The following OR6J1 variants were observed in gnomAD, a reference collection of about 807,000 sequenced individuals.
OR6J1 encodes the protein olfactory receptor 6J1.
For synonymous variants in OR6J1, 109 were observed against 70.0 expected, an observed-to-expected ratio of 1.56 and a Z score of -2.78; for missense variants, 304 against 166.8, an observed-to-expected ratio of 1.82 and a Z score of -4.53.
At chr14:22,638,415 G>C (rs1408690802) in intron 1 of OR6J1, among the ~76,000 whole-genome samples, 1 of 74,620 alleles carries the variant, frequency 1.3e-5, no homozygotes, top group East Asian at 2.6e-4. Flanking sequence ...GATTAAGGGC[G>C]GTGCAAGATG....
At chr14:22,638,964 T>G (rs2139295870) in intron 1 of OR6J1, among the ~76,000 whole-genome samples, 1 of 115,252 alleles carries the variant, frequency 8.7e-6, no homozygotes, top group Admixed American at 7.9e-5. Context: ...GGGGAGCGCC[T>G]CTGCCCCGCC....
At chr14:22,643,758 CACACACAGAG>C (rs1288677227) in intron 1 of OR6J1, among the ~76,000 whole-genome samples, 16 of 60,644 alleles carry the variant, frequency 2.6e-4, no homozygotes, top group Non-Finnish European at 3.7e-4. Context: ...CACACACACA[CACACACAGAG>C]AGAGAGAGAG....
In OR6J1 at chr14:22,633,786, A is replaced by C; in HGVS notation, c.1026T>G (p.Ser342=). Reference sequence around the variant, plus strand: ...TCTCTTTCTAACACTGGAGCTTTACAGAATAGACACATGGTGGAGAAGAGC... The same window carrying C: ...TCTCTTTCTAACACTGGAGCTTTACCGAATAGACACATGGTGGAGAAGAGC... ...RACSSPPCVY[S]VKLQC Residue 342 remains serine (S), a synonymous_variant, in exon 2 of 2, where the codon TCT becomes TCG. Coordinates refer to ENST00000540461, the MANE Select transcript of OR6J1 (RefSeq NM_001348233.2). 1.5e-6 allele frequency: 1 copy of C among 689,566 alleles called. No homozygotes were observed. Among genetic ancestry groups the C allele is most frequent in the South Asian group, 1.5e-5 (1 of 64,892 alleles). 42.7% of individuals were successfully genotyped at this position (689,566 alleles called of 1,614,324 possible).
chr14:22,643,762 CACAGAGAGAGAGAG>C (rs1187084564), intron 1 of OR6J1, among the ~76,000 whole-genome samples: 1 of 53,066 alleles, frequency 1.9e-5, no homozygotes, highest in African/African-American at 7.3e-5. Flanking sequence ...CACACACACA[CACAGAGAGAGAGAG>C]AGAGAGAGAG....
At chr14:22,637,585 G>C (rs2037600985) in intron 1 of OR6J1, among the ~76,000 whole-genome samples, 1 of 51,784 alleles carries the variant, frequency 1.9e-5, no homozygotes, top group Non-Finnish European at 3.8e-5. Context: ...GGAGGGAGGT[G>C]GGGGGGTCAG....
At position 22,633,534 on chromosome 14, in the gene OR6J1, C is replaced by A. The variant is rs1681595; in HGVS notation, c.*234G>T. 0.2 allele frequency: 95,627 copies of A among 477,438 alleles called. 10,526 individuals are homozygous for A. Among genetic ancestry groups the A allele is most frequent in the African/African-American group, 0.32 (16,341 of 51,296 alleles). The allele number at this position is 477,438 out of a possible 1,614,324, so 29.6% of individuals were successfully genotyped here. The stretch of plus-strand genomic sequence containing the variant: ...GAGGAAATAGGCTGCATGGCCCTTC[C>A]ATTCTTACAATATTCAGTGTGGATG... On this transcript the variant is annotated 3_prime_UTR_variant, in exon 2 of 2. Coordinates refer to ENST00000540461, the MANE Select transcript of OR6J1 (RefSeq NM_001348233.2).
In OR6J1 at chr14:22,634,135, C is replaced by A. The variant is rs3829405; in HGVS notation, c.677G>T (p.Arg226Leu). 1 of 703,008 alleles carries A rather than the reference C, an allele frequency of 1.4e-6. No homozygotes were observed. The highest frequency in any genetic ancestry group is 2.6e-6 in the Non-Finnish European group (1 of 384,912). 43.5% of individuals were successfully genotyped at this position (703,008 alleles called of 1,614,324 possible). A position where few individuals can be genotyped will look rare whatever the true frequency, so the allele number is the denominator to read the frequency against. Residue 226 changes from arginine to leucine, a missense_variant, in exon 2 of 2, where the codon CGC (arginine) becomes CTC (leucine). By Grantham distance (102) the Arg-to-Leu change is moderately radical. Coordinates refer to ENST00000540461, the MANE Select transcript of OR6J1 (RefSeq NM_001348233.2). Reference sequence around the variant, plus strand: ...CTTCCTTCCACTTGCAGAAGGAATGCGCACTATGGTCAAGATGATGTACGT... The same window carrying A: ...CTTCCTTCCACTTGCAGAAGGAATGAGCACTATGGTCAAGATGATGTACGT... The part of the protein sequence containing the change: ...SYTYIILTIV[R>L]IPSASGRKKA...
At chr14:22,636,759 C>T (rs1465243079) in intron 1 of OR6J1, among the ~76,000 whole-genome samples, 1 of 117,174 alleles carries the variant, frequency 8.5e-6, no homozygotes, top group South Asian at 2.4e-4. Context: ...GATCTCGGCT[C>T]GCTACAGCCT....
chr14:22,639,381 C>T (rs1250698439), intron 1 of OR6J1, among the ~76,000 whole-genome samples: 5 of 120,674 alleles, frequency 4.1e-5, no homozygotes, highest in South Asian at 2.5e-4. Context: ...GCCCCCCGCC[C>T]GGCCAGCCGC....
Position 22,634,815 on chromosome 14 carries a change from C to T in OR6J1, c.-4G>A, listed in dbSNP as rs1249301850. ...CCGCTGCAGTCCAGTTACCCATGGG[C>T]CTGGTGGGCCTGGCTCAATTCTCCT... On this transcript the variant is annotated 5_prime_UTR_variant, in exon 2 of 2. Coordinates refer to ENST00000540461, the MANE Select transcript of OR6J1 (RefSeq NM_001348233.2). 3 of 671,346 alleles carry T rather than the reference C, an allele frequency of 4.5e-6. No homozygotes were observed. The highest frequency in any genetic ancestry group is 5.4e-6 in the Non-Finnish European group (2 of 369,940). The allele number at this position is 671,346 out of a possible 1,614,324, so 41.6% of individuals were successfully genotyped here.
chr14:22,642,688 TC>T (rs2037661272), intron 1 of OR6J1, among the ~76,000 whole-genome samples: 1 of 152,172 alleles, frequency 6.6e-6, no homozygotes, highest in Non-Finnish European at 1.5e-5. Flanking sequence ...AAACTATTTT[TC>T]TACTTTCTGA....
intron 1 of OR6J1, among the ~76,000 whole-genome samples, chr14:22,639,067 T>G: frequency 1.1e-5 from 1 of 90,556 alleles, no homozygotes. Context: ...GTCTGAGAAG[T>G]GAGGAGACCC....
chr14:22,642,991 G>T (rs989026020), intron 1 of OR6J1, among the ~76,000 whole-genome samples: 1 of 150,384 alleles, frequency 6.6e-6, no homozygotes, highest in Non-Finnish European at 1.5e-5. Flanking sequence ...TTTTGAGATG[G>T]AGTTTTACTC....
In OR6J1 at chr14:22,641,217, GAAAGAA is replaced by G. The variant is rs1299768131; in HGVS notation, c.-28+2875_-28+2880del. ...CAGAGAGGGAGAGAAAGATAAGAAAGAAAGAAAGAAAGAAAGAAAGAAAGAAAGAAA... is the reference window on the plus strand; with the variant it reads ...CAGAGAGGGAGAGAAAGATAAGAAAGAGAAAGAAAGAAAGAAAGAAAGAAA... On this transcript the variant is annotated intron_variant, in intron 1 of 1. Coordinates refer to ENST00000540461, the MANE Select transcript of OR6J1 (RefSeq NM_001348233.2). 1.5e-3 allele frequency among the ~76,000 whole-genome samples: 27 copies of G among 18,568 alleles called. 2 individuals carry two copies. Among genetic ancestry groups the G allele is most frequent in the African/African-American group, 5.0e-3 (25 of 5,000 alleles). 12.2% of individuals were successfully genotyped at this position (18,568 alleles called of 152,430 possible).
In OR6J1 at chr14:22,643,714, A is replaced by AAC. The variant is rs1183889876; in HGVS notation, c.-28+382_-28+383dup. On this transcript the variant is annotated intron_variant, in intron 1 of 1. Transcript: ENST00000540461. ...AAGCCCTGACCCCTGGCATGGCAGA[A>AAC]ACACACACACACACACACACACACA... Among the ~76,000 whole-genome samples, 601 of 84,032 alleles carry AAC rather than the reference A, an allele frequency of 7.2e-3. 17 individuals are homozygous for AAC. The highest frequency in any genetic ancestry group is 9.5e-3 in the Non-Finnish European group (429 of 45,244). The allele number at this position is 84,032 out of a possible 152,430, so 55.1% of individuals were successfully genotyped here.
chr14:22,637,210 G>A (rs1425881742), intron 1 of OR6J1, among the ~76,000 whole-genome samples: 7 of 90,870 alleles, frequency 7.7e-5, no homozygotes, highest in African/African-American at 3.7e-4. Context: ...GAGCCCCTCC[G>A]TCCGGCAGCC....
chr14:22,635,488 G>GGA (rs2037577413), intron 1 of OR6J1, among the ~76,000 whole-genome samples: 1 of 152,170 alleles, frequency 6.6e-6, no homozygotes, highest in African/African-American at 2.4e-5. Context: ...CCATTTTGGG[G>GGA]GAGAGATGTA....
intron 1 of OR6J1, among the ~76,000 whole-genome samples, chr14:22,637,783 G>A (rs1302522769): frequency 3.2e-4 from 21 of 66,084 alleles, no homozygotes; most frequent in African/African-American, 6.7e-4. Context: ...GAGGTGAGGG[G>A]CGCCTCTGCC....
chr14:22,643,764 C>CACACACACACACAGAGAGAG (rs1466950724), intron 1 of OR6J1, among the ~76,000 whole-genome samples: 3 of 37,692 alleles, frequency 8.0e-5, no homozygotes, highest in Non-Finnish European at 1.5e-4. Context: ...CACACACACA[C>CACACACACACACAGAGAGAG]AGAGAGAGAG....
Sources: gnomAD v4.1 joint callset for allele counts (sites outside exome capture counted in the v4.1 genomes callset) on GRCh38, gnomAD v4.1.1 for gene constraint, MANE v1.5 for transcripts, NCBI Gene and HGNC (gene_info 2026-07-23, HGNC 2026-07-21) for gene names.